ADARB2: variants seen among roughly 807,000 people sequenced by gnomAD.
The protein encoded by ADARB2 is adenosine deaminase RNA specific B2 (inactive).
A neutral mutation model predicts 62.2 loss-of-function variants in ADARB2; 25 were observed. The ratio of observed to expected loss-of-function variants is 0.40; its 90% confidence interval spans 0.29 to 0.56. The LOEUF is 0.56. Among genes scored for constraint, ADARB2 ranks in the 20% least tolerant of loss-of-function variants. The pLI is 0.43. For missense variants in ADARB2, 1,071 were observed against 1,077.4 expected (o/e 0.99, Z 0.08); for synonymous variants, 572 against 500.8 (o/e 1.14, Z -1.90).
intron 4 of ADARB2, among the ~76,000 whole-genome samples, chr10:1,248,837 G>C (rs1053769481): frequency 1.3e-5 from 2 of 152,204 alleles, no homozygotes; most frequent in East Asian, 3.9e-4. Context: ...CAAACAGCAG[G>C]GCTCCTGCAC....
chr10:1,372,229 A>T (rs2820609), intron 2 of ADARB2, among the ~76,000 whole-genome samples: 1 of 152,084 alleles, frequency 6.6e-6, no homozygotes. Flanking sequence ...CAAATACTGC[A>T]TGTTCTCACT....
At chr10:1,616,756 T>C (rs370278664) in intron 1 of ADARB2, among the ~76,000 whole-genome samples, 708 of 63,950 alleles carry the variant, frequency 0.011, no homozygotes, top group Middle Eastern at 0.034. Context: ...CACTCCACAC[T>C]GCCCTGCTGA....
chr10:1,411,401 C>T (rs1395576814), intron 1 of ADARB2, among the ~76,000 whole-genome samples: 1 of 152,260 alleles, frequency 6.6e-6, no homozygotes, highest in African/African-American at 2.4e-5. Flanking sequence ...ACCACGTCCT[C>T]TCCAGGCCAC....
At chr10:1,688,091 C>T (rs528982790) in intron 1 of ADARB2, among the ~76,000 whole-genome samples, 4 of 152,216 alleles carry the variant, frequency 2.6e-5, no homozygotes, top group African/African-American at 4.8e-5. Flanking sequence ...AAGAAGCCTT[C>T]GTGTTGTCCC....
At chr10:1,329,020 AAGC>A (rs1831903478) in intron 3 of ADARB2, among the ~76,000 whole-genome samples, 3 of 151,098 alleles carry the variant, frequency 2.0e-5, no homozygotes, top group Admixed American at 6.6e-5. Flanking sequence ...AAAAAAAAAA[AAGC>A]AGGTCTGCAG....
intron 2 of ADARB2, 71 bp downstream of exon 2, chr10:1,379,003 G>C: frequency 7.5e-7 from 1 of 1,330,110 alleles, no homozygotes. Context: ...TCAGGTTTTG[G>C]GGACTGCAGG....
intron 1 of ADARB2, among the ~76,000 whole-genome samples, chr10:1,424,394 C>T (rs1486274714): frequency 6.6e-6 from 1 of 152,148 alleles, no homozygotes; most frequent in African/African-American, 2.4e-5. Context: ...ATGTCAGAGC[C>T]GTGGCTCCAA....
chr10:1,375,966 C>T (rs1413381019), intron 2 of ADARB2, among the ~76,000 whole-genome samples: 3 of 151,590 alleles, frequency 2.0e-5, no homozygotes, highest in Admixed American at 2.0e-4. Flanking sequence ...TGCACACACA[C>T]ACATGTGCAC....
At chr10:1,685,898 C>T (rs189755194) in intron 1 of ADARB2, among the ~76,000 whole-genome samples, 1 of 152,128 alleles carries the variant, frequency 6.6e-6, no homozygotes, top group Non-Finnish European at 1.5e-5. Context: ...ATGTGCAGGG[C>T]GGACGTGGCT....
At chr10:1,343,709 C>T (rs1425948191) in intron 3 of ADARB2, among the ~76,000 whole-genome samples, 3 of 152,212 alleles carry the variant, frequency 2.0e-5, no homozygotes, top group Non-Finnish European at 4.4e-5. Context: ...AGAACCAGAT[C>T]ATGTCTTCTG....
At chr10:1,223,897 G>C (rs1161303929) in intron 6 of ADARB2, among the ~76,000 whole-genome samples, 1 of 152,130 alleles carries the variant, frequency 6.6e-6, no homozygotes, top group African/African-American at 2.4e-5. Context: ...TTTTGGTTGT[G>C]TCTCTGCCAG....
chr10:1,315,670 A>G (rs1187170086), intron 3 of ADARB2, among the ~76,000 whole-genome samples: 1 of 152,222 alleles, frequency 6.6e-6, no homozygotes, highest in Non-Finnish European at 1.5e-5. Flanking sequence ...AGGGGCCCCT[A>G]TGCAGGTGAA....
At chr10:1,325,784 A>G (rs1831839352) in intron 3 of ADARB2, among the ~76,000 whole-genome samples, 1 of 152,178 alleles carries the variant, frequency 6.6e-6, no homozygotes, top group Non-Finnish European at 1.5e-5. Flanking sequence ...GGAGGAAAGC[A>G]CTGGGCACCT....
intron 3 of ADARB2, among the ~76,000 whole-genome samples, chr10:1,294,013 C>T (rs950306094): frequency 9.2e-5 from 14 of 152,048 alleles, no homozygotes; most frequent in Non-Finnish European, 2.9e-5. Flanking sequence ...TCTGGAAGTG[C>T]AAACAAAGAA....
At chr10:1,569,655 C>G (rs997312124) in intron 1 of ADARB2, among the ~76,000 whole-genome samples, 1 of 152,122 alleles carries the variant, frequency 6.6e-6, no homozygotes, top group Non-Finnish European at 1.5e-5. Flanking sequence ...TTAAATGCAA[C>G]CATTTGTCAT....
intron 4 of ADARB2, among the ~76,000 whole-genome samples, chr10:1,244,807 G>A (rs1397584147): frequency 6.6e-6 from 1 of 152,202 alleles, no homozygotes; most frequent in Non-Finnish European, 1.5e-5. Context: ...GGCAGGAGGA[G>A]GCGTCCTAGG....
intron 3 of ADARB2, among the ~76,000 whole-genome samples, chr10:1,288,847 G>T (rs898696899): frequency 6.6e-6 from 1 of 152,302 alleles, no homozygotes; most frequent in Non-Finnish European, 1.5e-5. Context: ...CATGTGACGC[G>T]GTTGTCTAAA....
chr10:1,219,951 G>C (rs1348507970), intron 6 of ADARB2, among the ~76,000 whole-genome samples: 12 of 144,898 alleles, frequency 8.3e-5, no homozygotes, highest in Middle Eastern at 3.9e-3. Context: ...GGTGATAATG[G>C]TGATGGTGGT....
intron 1 of ADARB2, among the ~76,000 whole-genome samples, chr10:1,423,247 C>A (rs1305420765): frequency 6.6e-6 from 1 of 152,350 alleles, no homozygotes; most frequent in Admixed American, 6.5e-5. Flanking sequence ...ATTGCTTACA[C>A]CCTTGGCCCC....
Sources: allele counts gnomAD v4.1 joint callset (sites outside exome capture counted in the v4.1 genomes callset), GRCh38; gene constraint gnomAD v4.1.1; transcripts MANE v1.5; gene names NCBI Gene and HGNC (gene_info 2026-07-23, HGNC 2026-07-21).